Variants in MEOX2 observed in about 807,000 individuals in gnomAD.
MEOX2 encodes mesenchyme homeobox 2.
In MEOX2, 11 loss-of-function variants were observed where a neutral mutation model predicts 27.0. That is an observed-to-expected ratio of 0.41 (90% confidence interval 0.26 to 0.68). The LOEUF (loss-of-function observed/expected upper bound fraction) is 0.68. Ranked by LOEUF, MEOX2 falls within the 30% of genes least tolerant of loss-of-function variation. The probability of loss-of-function intolerance (pLI) is 0.33; values close to 1 mark genes in which losing one functional copy is unlikely to be tolerated. For synonymous variants in MEOX2, 189 were observed against 155.4 expected (o/e 1.22, Z -1.61); for missense variants, 436 against 385.4 (o/e 1.13, Z -1.10).
chr7:15,627,416 C>T (rs967795478), intron 1 of MEOX2, among the ~76,000 whole-genome samples: 1 of 152,006 alleles, frequency 6.6e-6, no homozygotes, highest in African/African-American at 2.4e-5. Context: ...TATGTGTGTA[C>T]TTATTGGCTT....
Position 15,675,861 on chromosome 7 carries a change from C to T in MEOX2, c.517+10025G>A, listed in dbSNP as rs191888201. Among the ~76,000 whole-genome samples, 725 of 152,260 alleles carry T rather than the reference C, an allele frequency of 4.8e-3. 2 individuals carry two copies. Among genetic ancestry groups the T allele is most frequent in the Middle Eastern group, 0.014 (4 of 294 alleles). ...TCTTCCTGTACTCTTCTACCTACAT[C>T]CTCCCAGTTCTTCTATTATCTAACA... is the stretch of plus-strand genomic sequence containing the variant. On this transcript the variant is annotated intron_variant, in intron 1 of 2. Transcript: ENST00000262041.
At chr7:15,615,081 C>T (rs760037739) in intron 2 of MEOX2, among the ~76,000 whole-genome samples, 17 of 152,084 alleles carry the variant, frequency 1.1e-4, no homozygotes, top group East Asian at 1.9e-4. Context: ...AAGTAGTTGA[C>T]GGGTGTTCAC....
At chr7:15,636,255 T>A (rs1249548843) in intron 1 of MEOX2, among the ~76,000 whole-genome samples, 1 of 151,992 alleles carries the variant, frequency 6.6e-6, no homozygotes, top group Non-Finnish European at 1.5e-5. Flanking sequence ...TATAGAGGGT[T>A]TGAGAAAAAA....
chr7:15,621,840 C>T (rs899566718), intron 2 of MEOX2, among the ~76,000 whole-genome samples: 2 of 152,022 alleles, frequency 1.3e-5, no homozygotes, highest in African/African-American at 4.8e-5. Flanking sequence ...TGTTACAGGC[C>T]AGGTGCCATG....
intron 1 of MEOX2, among the ~76,000 whole-genome samples, chr7:15,684,914 T>C (rs28613321): frequency 0.038 from 5,784 of 152,354 alleles, 120 homozygotes; most frequent in African/African-American, 0.042. Context: ...TTTGAGTTTC[T>C]CTGGATTGCT....
chr7:15,614,617 C>T lies in MEOX2; in HGVS notation c.691-2006G>A, dbSNP rs79911771. Among the ~76,000 whole-genome samples the T allele has an allele frequency of 2.6e-3, 391 of 152,202 alleles. 6 individuals are homozygous for T. Among genetic ancestry groups the T allele is most frequent in the East Asian group, 3.5e-3 (18 of 5,184 alleles). ...TTCATAAATCAAGTTTCCATATATG[C>T]ATAGCTTTATTGCTGTATTCTGTTC... On this transcript the variant is annotated intron_variant, in intron 2 of 2. Coordinates refer to ENST00000262041, the MANE Select transcript of MEOX2 (RefSeq NM_005924.5).
chr7:15,613,663 C>CTA (rs1269367373), intron 2 of MEOX2, among the ~76,000 whole-genome samples: 1 of 151,996 alleles, frequency 6.6e-6, no homozygotes, highest in Admixed American at 6.6e-5. Context: ...AATATTAAAA[C>CTA]TATACTCTTT....
At chr7:15,669,744 C>A (rs1782066852) in intron 1 of MEOX2, among the ~76,000 whole-genome samples, 1 of 152,146 alleles carries the variant, frequency 6.6e-6, no homozygotes, top group African/African-American at 2.4e-5. Flanking sequence ...ACTTTATTCT[C>A]CTTCTAAAAA....
intron 1 of MEOX2, among the ~76,000 whole-genome samples, chr7:15,670,467 GA>G (rs1782077457): frequency 6.6e-6 from 1 of 152,270 alleles, no homozygotes; most frequent in Non-Finnish European, 1.5e-5. Context: ...TTCAGTAGCT[GA>G]AGGGTAAGAA....
In MEOX2 at chr7:15,630,897, T is replaced by A. The variant is rs547466295; in HGVS notation, c.518-3979A>T. On this transcript the variant is annotated intron_variant, in intron 1 of 2. Transcript: ENST00000262041. ...ATGAGTGAGCATTTCAGCTTCTCAGTGTTTCTTCTTTTTTCAAAGTAAACA... is the reference window on the plus strand; with the variant it reads ...ATGAGTGAGCATTTCAGCTTCTCAGAGTTTCTTCTTTTTTCAAAGTAAACA... Among the ~76,000 whole-genome samples, 224 of 152,088 alleles carry A rather than the reference T, an allele frequency of 1.5e-3. 1 individual carries two copies. The highest frequency in any genetic ancestry group is 4.9e-3 in the African/African-American group (205 of 41,544).
chr7:15,612,247 T>C lies in MEOX2; in HGVS notation c.*140A>G. On this transcript the variant is annotated 3_prime_UTR_variant, in exon 3 of 3. Coordinates refer to ENST00000262041, the MANE Select transcript of MEOX2 (RefSeq NM_005924.5). The stretch of plus-strand genomic sequence containing the variant: ...CTTTGTGTAAACCCTCTATAAATCA[T>C]GAAAAACAGATTCGAAATGCCTGGA... 1 of 714,410 alleles carries C rather than the reference T, an allele frequency of 1.4e-6. No homozygotes were observed. The highest frequency in any genetic ancestry group is 1.8e-5 in the South Asian group (1 of 54,818). 44.3% of individuals were successfully genotyped at this position (714,410 alleles called of 1,614,324 possible).
chr7:15,655,582 G>T (rs1210394003), intron 1 of MEOX2, among the ~76,000 whole-genome samples: 1 of 151,540 alleles, frequency 6.6e-6, no homozygotes, highest in South Asian at 2.1e-4. Context: ...TCATTTTCTT[G>T]CAGATCAATG....
intron 2 of MEOX2, among the ~76,000 whole-genome samples, chr7:15,625,895 A>T (rs1781295415): frequency 6.6e-6 from 1 of 152,328 alleles, no homozygotes; most frequent in South Asian, 2.1e-4. Flanking sequence ...TTTAGGTCTC[A>T]TTAATTGGAG....
intron 1 of MEOX2, among the ~76,000 whole-genome samples, chr7:15,669,140 T>G (rs1409572347): frequency 6.6e-6 from 1 of 152,224 alleles, no homozygotes; most frequent in African/African-American, 2.4e-5. Context: ...GAGTAAAGTT[T>G]CAATATAAAA....
At chr7:15,634,049 T>C (rs573863808) in intron 1 of MEOX2, among the ~76,000 whole-genome samples, 1 of 152,054 alleles carries the variant, frequency 6.6e-6, no homozygotes, top group South Asian at 2.1e-4. Context: ...CAAGTAATGT[T>C]ATCTTCATTC....
At chr7:15,676,664 A>G (rs1450681883) in intron 1 of MEOX2, among the ~76,000 whole-genome samples, 1 of 152,066 alleles carries the variant, frequency 6.6e-6, no homozygotes, top group Non-Finnish European at 1.5e-5. Context: ...TGAGGTAGGT[A>G]GTTCGAGACC....
At position 15,673,054 on chromosome 7, in the gene MEOX2, C is replaced by T. The variant is rs577434983; in HGVS notation, c.517+12832G>A. Among the ~76,000 whole-genome samples, 10 of 152,322 alleles carry T rather than the reference C, an allele frequency of 6.6e-5. No homozygotes were observed. In the East Asian group the frequency reaches 1.9e-3, roughly 29 times the overall value. On this transcript the variant is annotated intron_variant, in intron 1 of 2. Transcript: ENST00000262041. ...TCTAAAAGCCTGGAACCAAGACCTT[C>T]AAAACACCCCTAACAAGGAGAAATC...
At chr7:15,642,711 C>T (rs1781581435) in intron 1 of MEOX2, among the ~76,000 whole-genome samples, 1 of 152,184 alleles carries the variant, frequency 6.6e-6, no homozygotes. Context: ...ATTATTTATG[C>T]TGGTTCCTTC....
chr7:15,638,434 G>A (rs1312878676), intron 1 of MEOX2, among the ~76,000 whole-genome samples: 1 of 151,982 alleles, frequency 6.6e-6, no homozygotes, highest in East Asian at 1.9e-4. Context: ...AGTCTTCATT[G>A]GTCTCATATG....
Sources: allele counts gnomAD v4.1 joint callset (sites outside exome capture counted in the v4.1 genomes callset), GRCh38; gene constraint gnomAD v4.1.1; transcripts MANE v1.5; gene names NCBI Gene and HGNC (gene_info 2026-07-23, HGNC 2026-07-21).